Variants in STIM1 observed in about 807,000 individuals in gnomAD.
STIM1 encodes stromal interaction molecule 1.
In STIM1, 25 loss-of-function variants were observed where a neutral mutation model predicts 74.7. The ratio of observed to expected loss-of-function variants is 0.33; its 90% CI spans 0.24 to 0.47. STIM1 has a LOEUF of 0.47. STIM1 is among the 20% of genes least tolerant of loss of function. The pLI, the probability that STIM1 is intolerant of heterozygous loss-of-function variation, is 1.00. For missense variants in STIM1, 728 were observed against 920.8 expected (o/e 0.79, Z 2.71); for synonymous variants, 328 against 348.8 (o/e 0.94, Z 0.66).
At chr11:4,000,929 C>T (rs186724338) in intron 2 of STIM1, among the ~76,000 whole-genome samples, 81 of 152,106 alleles carry the variant, frequency 5.3e-4, no homozygotes, top group Non-Finnish European at 3.8e-4. Flanking sequence ...TCGAGAACTA[C>T]GTGAAGAATG....
intron 1 of STIM1, among the ~76,000 whole-genome samples, chr11:3,945,638 T>C (rs1312940835): frequency 2.0e-5 from 3 of 152,198 alleles, no homozygotes; most frequent in African/African-American, 4.8e-5. Context: ...TAATCATTAT[T>C]GCTTAACTTC....
chr11:4,036,007 T>C (rs2094097798), intron 3 of STIM1, among the ~76,000 whole-genome samples: 1 of 152,176 alleles, frequency 6.6e-6, no homozygotes, highest in African/African-American at 2.4e-5. Flanking sequence ...TTCCTGATGC[T>C]TTCGCTCCTC....
intron 1 of STIM1, among the ~76,000 whole-genome samples, chr11:3,954,054 G>C (rs1417666344): frequency 6.6e-6 from 1 of 152,076 alleles, no homozygotes; most frequent in Non-Finnish European, 1.5e-5. Flanking sequence ...GGGATTACAG[G>C]CATAAGCCAC....
chr11:3,866,536 C>T (rs1432889398), intron 1 of STIM1, among the ~76,000 whole-genome samples: 11 of 151,508 alleles, frequency 7.3e-5, no homozygotes, highest in Non-Finnish European at 1.0e-4. Flanking sequence ...CGGTGATTCT[C>T]CTGCATCAGC....
intron 1 of STIM1, among the ~76,000 whole-genome samples, chr11:3,957,947 C>G (rs2093236983): frequency 6.6e-6 from 1 of 152,054 alleles, no homozygotes; most frequent in African/African-American, 2.4e-5. Context: ...CTCACTGCAA[C>G]CTCCACCTCC....
At chr11:3,968,435 C>G (rs1344436558) in intron 2 of STIM1, among the ~76,000 whole-genome samples, 2 of 152,230 alleles carry the variant, frequency 1.3e-5, no homozygotes, top group African/African-American at 2.4e-5. Context: ...TCCCCATTCT[C>G]TCTTTCCTGC....
At chr11:3,980,611 A>T (rs377455384) in intron 2 of STIM1, among the ~76,000 whole-genome samples, 3 of 10,296 alleles carry the variant, frequency 2.9e-4, no homozygotes, top group East Asian at 0.014. Flanking sequence ...CCATCTCTTT[A>T]AAAAAAAAAA....
At chr11:4,079,281 A>G (rs1443216617) in intron 7 of STIM1, among the ~76,000 whole-genome samples, 2 of 151,886 alleles carry the variant, frequency 1.3e-5, no homozygotes, top group African/African-American at 2.4e-5. Flanking sequence ...TGACAGAGCA[A>G]GACTCCGGCT....
chr11:3,911,884 T>A (rs74467020), intron 1 of STIM1, among the ~76,000 whole-genome samples: 1 of 152,218 alleles, frequency 6.6e-6, no homozygotes, highest in Non-Finnish European at 1.5e-5. Context: ...GGAAGTTTTT[T>A]AAAGACAGAA....
At chr11:3,928,670 G>A (rs920906245) in intron 1 of STIM1, among the ~76,000 whole-genome samples, 1 of 152,018 alleles carries the variant, frequency 6.6e-6, no homozygotes, top group African/African-American at 2.4e-5. Context: ...TCCCTTCCTG[G>A]TGTCACAAGG....
intron 2 of STIM1, chr11:3,972,811 G>T: frequency 2.2e-6 from 1 of 464,440 alleles, no homozygotes; most frequent in South Asian, 1.5e-5. Flanking sequence ...ATTAAAATCT[G>T]CCACTGCCAT....
chr11:4,056,282 T>G (rs181146061), intron 4 of STIM1, among the ~76,000 whole-genome samples: 1 of 152,324 alleles, frequency 6.6e-6, no homozygotes, highest in East Asian at 1.9e-4. Flanking sequence ...CTTTGCCTAC[T>G]TTACACGCTG....
intron 2 of STIM1, among the ~76,000 whole-genome samples, chr11:3,974,670 G>A (rs762698111): frequency 1.1e-4 from 17 of 152,228 alleles, no homozygotes; most frequent in African/African-American, 3.6e-4. Context: ...GATAGCAGAG[G>A]CTATGTATTG....
At chr11:3,901,583 C>T (rs75197750) in intron 1 of STIM1, among the ~76,000 whole-genome samples, 4,718 of 151,544 alleles carry the variant, frequency 0.031, 106 homozygotes, top group South Asian at 0.094. Flanking sequence ...AAGTGTTTAA[C>T]ATAGATTACA....
intron 1 of STIM1, among the ~76,000 whole-genome samples, chr11:3,905,635 CA>C (rs1207619672): frequency 6.6e-6 from 1 of 152,172 alleles, no homozygotes; most frequent in East Asian, 1.9e-4. Flanking sequence ...TTTCTAGATA[CA>C]TTAGACACAT....
intron 2 of STIM1, among the ~76,000 whole-genome samples, chr11:3,971,422 T>G (rs949620288): frequency 8.6e-5 from 13 of 151,924 alleles, no homozygotes; most frequent in African/African-American, 3.1e-4. Flanking sequence ...CTAGCTACTC[T>G]GGAGGCTGAG....
At chr11:4,007,650 A>T (rs903645928) in intron 2 of STIM1, among the ~76,000 whole-genome samples, 11 of 152,212 alleles carry the variant, frequency 7.2e-5, no homozygotes, top group Non-Finnish European at 1.6e-4. Context: ...TTTTTCTGTT[A>T]CTTTCCTGTC....
intron 2 of STIM1, among the ~76,000 whole-genome samples, chr11:3,983,823 G>A (rs531040451): frequency 7.2e-5 from 11 of 151,920 alleles, no homozygotes; most frequent in African/African-American, 2.4e-4. Flanking sequence ...TGGAGCTACT[G>A]CTGCTGCTGC....
intron 2 of STIM1, among the ~76,000 whole-genome samples, chr11:3,975,572 C>T (rs927548510): frequency 6.6e-6 from 1 of 152,006 alleles, no homozygotes; most frequent in Admixed American, 6.5e-5. Context: ...GAGTGGAGAT[C>T]GCACCACTGC....
Sources: gnomAD v4.1 joint callset for allele counts (sites outside exome capture counted in the v4.1 genomes callset) on GRCh38, gnomAD v4.1.1 for gene constraint, MANE v1.5 for transcripts, NCBI Gene and HGNC (gene_info 2026-07-23, HGNC 2026-07-21) for gene names.